LMBRD2: variants seen among roughly 807,000 people sequenced by gnomAD.
LMBRD2 encodes the protein LMBR1 domain containing 2.
LMBRD2 carries 55 observed loss-of-function variants against 94.4 expected under a neutral mutation model. The observed-to-expected ratio is 0.58, with a 90% CI of 0.47 to 0.73. The LOEUF (loss-of-function observed/expected upper bound fraction) is 0.73, where lower values mean the gene tolerates loss of function less well. Among genes scored for constraint, LMBRD2 ranks in the 30% least tolerant of loss-of-function variants. LMBRD2 has a pLI of 0.00. For missense variants in LMBRD2, 640 were observed against 831.9 expected (o/e 0.77, Z 2.84); for synonymous variants, 246 against 272.4 (o/e 0.90, Z 0.95).
intron 16 of LMBRD2, 57 bp downstream of exon 16, chr5:36,108,477 T>C: frequency 1.2e-6 from 1 of 843,496 alleles, no homozygotes; most frequent in South Asian, 1.8e-5. Flanking sequence ...ACTCAATCTC[T>C]ATGCAAGAAA....
In LMBRD2 at chr5:36,123,709, T is replaced by C. The variant is rs1743940312; in HGVS notation, c.822+482A>G. On this transcript the variant is annotated intron_variant, in intron 7 of 17. Coordinates refer to ENST00000296603, the MANE Select transcript of LMBRD2 (RefSeq NM_001007527.2). ...AATATAGTTAAGTTTATTATAAATA[T>C]AGTAAATATATAAATATAAATATAG... 2.7e-5 allele frequency among the ~76,000 whole-genome samples: 4 copies of C among 149,732 alleles called. No homozygotes were observed. The South Asian group carries it at 6.3e-4, about 23-fold the overall frequency.
intron 1 of LMBRD2, among the ~76,000 whole-genome samples, chr5:36,144,104 A>C (rs1744481315): frequency 6.6e-6 from 1 of 152,100 alleles, no homozygotes; most frequent in Non-Finnish European, 1.5e-5. Flanking sequence ...ATGACTATTA[A>C]AGTCATACAT....
intron 12 of LMBRD2, 111 bp downstream of exon 12, chr5:36,114,904 T>G: frequency 1.4e-6 from 1 of 718,360 alleles, no homozygotes; most frequent in Non-Finnish European, 2.3e-6. Flanking sequence ...AAGAGAAAAT[T>G]TTACCAATAA....
chr5:36,151,438 T>A lies in LMBRD2; in HGVS notation c.-58+118A>T, dbSNP rs1048782165. ...TAGCTGTTGTGCGTTATTTTACAGATAAAGGAAGGATCCCGTCCACAGACC... is the reference window on the plus strand; with the variant it reads ...TAGCTGTTGTGCGTTATTTTACAGAAAAAGGAAGGATCCCGTCCACAGACC... On this transcript the variant is annotated intron_variant, in intron 1 of 17. Coordinates refer to ENST00000296603, the MANE Select transcript of LMBRD2 (RefSeq NM_001007527.2). The surrounding 1 kb of genome is among the most constrained non-coding windows in gnomAD (Gnocchi z 4.7). The A allele has an allele frequency of 9.9e-5, 15 of 152,120 alleles. No individual in the cohort carries two copies. Among genetic ancestry groups the A allele is most frequent in the African/African-American group, 3.4e-4 (14 of 41,402 alleles). The allele number at this position is 152,120 out of a possible 1,614,324, so 9.4% of individuals were successfully genotyped here.
chr5:36,117,630 A>G, intron 10 of LMBRD2, 105 bp downstream of exon 10: 1 of 761,082 alleles, frequency 1.3e-6, no homozygotes, highest in Non-Finnish European at 2.0e-6. Flanking sequence ...ACACTGCAGA[A>G]AACCTCACTG....
chr5:36,142,819 G>C (rs267765), intron 2 of LMBRD2: 7,870 of 397,894 alleles, frequency 0.02, 581 homozygotes, highest in African/African-American at 0.15. Flanking sequence ...CCGCCTCCCG[G>C]ATTCACGCCA....
intron 1 of LMBRD2, among the ~76,000 whole-genome samples, chr5:36,146,941 AGTGTGTGT>A (rs371000455): frequency 1.6e-3 from 218 of 139,458 alleles, no homozygotes; most frequent in East Asian, 0.013. Flanking sequence ...TGTGTGTGTG[AGTGTGTGT>A]GTGTGTGTGT....
intron 16 of LMBRD2, among the ~76,000 whole-genome samples, chr5:36,105,823 G>C (rs778240635): frequency 6.6e-5 from 10 of 152,122 alleles, no homozygotes; most frequent in Non-Finnish European, 1.5e-4. Context: ...TATCATACCA[G>C]ACAGCAGATA....
At chr5:36,121,439 A>G (rs1561516083) in intron 9 of LMBRD2, among the ~76,000 whole-genome samples, 1 of 152,222 alleles carries the variant, frequency 6.6e-6, no homozygotes, top group Non-Finnish European at 1.5e-5. Flanking sequence ...TTTTAATACT[A>G]TGACACTTTG....
intron 1 of LMBRD2, among the ~76,000 whole-genome samples, chr5:36,146,478 C>T (rs1452037434): frequency 6.6e-6 from 1 of 152,172 alleles, no homozygotes; most frequent in African/African-American, 2.4e-5. Context: ...TCAACTGATC[C>T]TCCCACCTCA....
chr5:36,145,660 T>A (rs1338645182), intron 1 of LMBRD2, among the ~76,000 whole-genome samples: 1 of 152,232 alleles, frequency 6.6e-6, no homozygotes, highest in Non-Finnish European at 1.5e-5. Context: ...AGTTTAAATA[T>A]AACATAATTA....
intron 1 of LMBRD2, among the ~76,000 whole-genome samples, chr5:36,146,846 T>G (rs1433225858): frequency 2.6e-5 from 4 of 152,336 alleles, no homozygotes; most frequent in African/African-American, 9.6e-5. Flanking sequence ...TTTGATATAC[T>G]GTACATATAC....
chr5:36,116,027 C>T (rs1021031739), intron 11 of LMBRD2, among the ~76,000 whole-genome samples: 1 of 152,188 alleles, frequency 6.6e-6, no homozygotes, highest in African/African-American at 2.4e-5. Flanking sequence ...ATAGATTGTA[C>T]AATCTTGCCC....
At chr5:36,144,581 G>T (rs938407154) in intron 1 of LMBRD2, among the ~76,000 whole-genome samples, 5 of 152,180 alleles carry the variant, frequency 3.3e-5, no homozygotes, top group African/African-American at 1.2e-4. Context: ...CTACTCAGTA[G>T]GCTGAGGCAG....
At chr5:36,112,728 A>G (rs950547795) in intron 13 of LMBRD2, among the ~76,000 whole-genome samples, 9 of 152,142 alleles carry the variant, frequency 5.9e-5, no homozygotes, top group Admixed American at 5.9e-4. Flanking sequence ...TAGTTGACAG[A>G]GCACTATTCT....
chr5:36,124,919 G>T (rs1001374286), intron 6 of LMBRD2, among the ~76,000 whole-genome samples: 8 of 150,522 alleles, frequency 5.3e-5, no homozygotes, highest in African/African-American at 1.5e-4. Flanking sequence ...CTCATAACCT[G>T]GTCTCTAAAT....
At chr5:36,118,791 C>T (rs949925414) in intron 9 of LMBRD2, among the ~76,000 whole-genome samples, 1 of 152,004 alleles carries the variant, frequency 6.6e-6, no homozygotes, top group African/African-American at 2.4e-5. Context: ...ACTGGAATTA[C>T]AGGCGTGTGC....
At chr5:36,147,208 A>G (rs528326609) in intron 1 of LMBRD2, among the ~76,000 whole-genome samples, 1 of 152,274 alleles carries the variant, frequency 6.6e-6, no homozygotes, top group East Asian at 1.9e-4. Flanking sequence ...TATGACACAG[A>G]TTAGGACCAG....
In LMBRD2 at chr5:36,124,234, T is replaced by C. The variant is rs778285047; in HGVS notation, c.779A>G (p.Tyr260Cys). 6.3e-7 allele frequency: 1 copy of C among 1,591,236 alleles called. No homozygotes were observed. The highest frequency in any genetic ancestry group is 8.6e-7 in the Non-Finnish European group (1 of 1,160,778). The change falls in exon 7 of 18, where the codon TAT (tyrosine) becomes TGT (cysteine). Residue 260 changes from tyrosine (Y) to cysteine (C), a missense_variant. Physicochemically the swap from Tyr to Cys is radical, Grantham distance 194. Transcript: ENST00000296603. ...EVRKVNESIK[Y>C]NHPLRKCVDT... The stretch of plus-strand genomic sequence containing the variant: ...AACACATTTTCTCAATGGGTGATTA[T>C]ACTTGATGCTTTCATTCACTTTACG...
Sources: allele counts gnomAD v4.1 joint callset (sites outside exome capture counted in the v4.1 genomes callset), GRCh38; gene constraint gnomAD v4.1.1; non-coding constraint Gnocchi (gnomAD v3.1); transcripts MANE v1.5; gene names NCBI Gene and HGNC (gene_info 2026-07-23, HGNC 2026-07-21).